Variants in SPMIP11 observed in about 807,000 individuals in gnomAD.
SPMIP11 encodes the protein sperm microtubule inner protein 11.
chr12:48,760,466 C>G, the SPMIP11 span, among the ~76,000 whole-genome samples: 1 of 152,098 alleles, frequency 6.6e-6, no homozygotes, highest in Non-Finnish European at 1.5e-5. Flanking sequence ...GTGTGAGCCA[C>G]CACACCCAGC....
chr12:48,730,286 A>G, the SPMIP11 span, among the ~76,000 whole-genome samples: 15 of 152,256 alleles, frequency 9.9e-5, no homozygotes, highest in East Asian at 1.7e-3. Flanking sequence ...ATCATCTACT[A>G]TCTAAGTTTT....
At chr12:48,766,612 A>G in the SPMIP11 span, 3 of 152,656 alleles carry the variant, frequency 2.0e-5, no homozygotes, top group African/African-American at 7.2e-5. Context: ...TCCTTCTGCC[A>G]TGACTAATGA....
the SPMIP11 span, chr12:48,765,605 A>G: frequency 8.8e-5 from 62 of 702,734 alleles, no homozygotes; most frequent in Non-Finnish European, 1.1e-4. Context: ...TCTTCTTTCC[A>G]GGTTTATGGA....
the SPMIP11 span, chr12:48,765,144 C>T: frequency 1.7e-5 from 10 of 594,262 alleles, no homozygotes; most frequent in Non-Finnish European, 2.7e-5. Flanking sequence ...GAATTTGGGC[C>T]GTGATGACAT....
the SPMIP11 span, among the ~76,000 whole-genome samples, chr12:48,741,178 C>T: frequency 1.7e-4 from 26 of 151,392 alleles, no homozygotes; most frequent in East Asian, 3.9e-3. Context: ...CCTGCCTCAG[C>T]CTCCCAAGAA....
At chr12:48,727,941 C>G in the SPMIP11 span, among the ~76,000 whole-genome samples, 1 of 151,720 alleles carries the variant, frequency 6.6e-6, no homozygotes, top group African/African-American at 2.4e-5. Context: ...GTCCTAGCTA[C>G]TTGGGAGGCT....
the SPMIP11 span, among the ~76,000 whole-genome samples, chr12:48,738,064 A>T: frequency 4.0e-5 from 6 of 151,650 alleles, no homozygotes; most frequent in East Asian, 1.2e-3. Context: ...AGCTCAAGCA[A>T]TCTGCCCACT....
the SPMIP11 span, among the ~76,000 whole-genome samples, chr12:48,752,407 A>T: frequency 6.6e-6 from 1 of 152,158 alleles, no homozygotes; most frequent in African/African-American, 2.4e-5. Context: ...CCCACAGAAG[A>T]GCACCCCGAC....
chr12:48,753,238 G>A, the SPMIP11 span, among the ~76,000 whole-genome samples: 6 of 152,008 alleles, frequency 3.9e-5, no homozygotes, highest in Non-Finnish European at 8.8e-5. Context: ...TGAGACAATT[G>A]AGACAAATGA....
At chr12:48,758,267 C>G in the SPMIP11 span, among the ~76,000 whole-genome samples, 1 of 152,156 alleles carries the variant, frequency 6.6e-6, no homozygotes, top group Non-Finnish European at 1.5e-5. Context: ...TGGATAGTAA[C>G]CAGAAGCAAT....
the SPMIP11 span, among the ~76,000 whole-genome samples, chr12:48,756,779 C>CA: frequency 7.1e-6 from 1 of 141,042 alleles, no homozygotes. Flanking sequence ...TTCTTTTTTT[C>CA]TTTTTTTTTT....
chr12:48,738,664 A>G, the SPMIP11 span, among the ~76,000 whole-genome samples: 1 of 151,702 alleles, frequency 6.6e-6, no homozygotes, highest in African/African-American at 2.4e-5. Flanking sequence ...CCTCCCGAGT[A>G]GCTGGGACTA....
chr12:48,768,721 G>A, the SPMIP11 span: 1 of 1,613,410 alleles, frequency 6.2e-7, no homozygotes, highest in African/African-American at 1.3e-5. Flanking sequence ...GGTCACCTGG[G>A]GGAGTGGGAG....
At chr12:48,764,840 C>T in the SPMIP11 span, 5 of 702,454 alleles carry the variant, frequency 7.1e-6, no homozygotes, top group Middle Eastern at 2.3e-4. Flanking sequence ...CCCTTCCCCC[C>T]ACCCATTCAG....
chr12:48,758,820 C>A, the SPMIP11 span, among the ~76,000 whole-genome samples: 1 of 152,236 alleles, frequency 6.6e-6, no homozygotes. Context: ...TCCTCCAAGA[C>A]TTAGCTCAAA....
chr12:48,745,042 G>A, the SPMIP11 span, among the ~76,000 whole-genome samples: 8 of 151,986 alleles, frequency 5.3e-5, no homozygotes, highest in African/African-American at 1.7e-4. Context: ...AAGCCGAGGC[G>A]GGTGGATCAC....
chr12:48,763,703 C>T, the SPMIP11 span, among the ~76,000 whole-genome samples: 1 of 138,330 alleles, frequency 7.2e-6, no homozygotes. Flanking sequence ...TTTTTTGAGA[C>T]AGTCTCGCTC....
At chr12:48,764,605 G>C in the SPMIP11 span, among the ~76,000 whole-genome samples, 1 of 152,204 alleles carries the variant, frequency 6.6e-6, no homozygotes, top group Non-Finnish European at 1.5e-5. Context: ...CTTGGGGAAA[G>C]CTCTCTTGGA....
At chr12:48,740,018 A>T in the SPMIP11 span, among the ~76,000 whole-genome samples, 1 of 152,166 alleles carries the variant, frequency 6.6e-6, no homozygotes, top group African/African-American at 2.4e-5. Context: ...TTCTACTGAA[A>T]TATCTCATAT....
Sources: allele counts gnomAD v4.1 joint callset (sites outside exome capture counted in the v4.1 genomes callset), GRCh38; gene constraint gnomAD v4.1.1; transcripts MANE v1.5; gene names NCBI Gene and HGNC (gene_info 2026-07-23, HGNC 2026-07-21).